The following NEDD4L variants were observed in gnomAD, a reference collection of about 807,000 sequenced individuals.
NEDD4L encodes the protein NEDD4 like E3 ubiquitin protein ligase, also known as E3 ubiquitin-protein ligase NEDD4-like.
Under a neutral mutation model 148.9 loss-of-function variants are expected in NEDD4L, and 54 were observed. That is an observed-to-expected ratio of 0.36 (90% confidence interval 0.29 to 0.45). NEDD4L has a LOEUF of 0.45. Ranked by LOEUF, NEDD4L falls within the 20% of genes least tolerant of loss-of-function variation. NEDD4L has a pLI of 1.00. For synonymous variants in NEDD4L, 433 were observed against 440.7 expected (o/e 0.98, Z 0.22); for missense variants, 856 against 1,233.8 (o/e 0.69, Z 4.59).
At chr18:58,327,145 TCACCCACA>T (rs2059380423) in intron 9 of NEDD4L, among the ~76,000 whole-genome samples, 1 of 152,188 alleles carries the variant, frequency 6.6e-6, no homozygotes, top group Non-Finnish European at 1.5e-5. Flanking sequence ...TCTCACTCTG[TCACCCACA>T]GTGGCACCAT....
intron 2 of NEDD4L, among the ~76,000 whole-genome samples, chr18:58,166,973 A>G (rs1045846389): frequency 6.6e-6 from 1 of 152,204 alleles, no homozygotes; most frequent in African/African-American, 2.4e-5. Flanking sequence ...CTCACCTGTG[A>G]TTGATCATGC....
intron 1 of NEDD4L, among the ~76,000 whole-genome samples, chr18:58,142,506 C>G (rs1663041): frequency 0.35 from 53,276 of 152,060 alleles, 9,694 homozygotes; most frequent in Middle Eastern, 0.43. Flanking sequence ...TCTGACATTT[C>G]ATAGCCTGGC....
chr18:58,312,162 C>T (rs558613667), intron 5 of NEDD4L, among the ~76,000 whole-genome samples: 24 of 152,270 alleles, frequency 1.6e-4, no homozygotes, highest in African/African-American at 5.3e-4. Context: ...TCTACATTGT[C>T]ATTTCACAGG....
chr18:58,335,199 C>G (rs755467614), intron 12 of NEDD4L, among the ~76,000 whole-genome samples: 1 of 152,184 alleles, frequency 6.6e-6, no homozygotes, highest in African/African-American at 2.4e-5. Context: ...GCAGGCAAAA[C>G]CAGACCAGCT....
chr18:58,394,315 A>G lies in NEDD4L; in HGVS notation c.2826-1852A>G, dbSNP rs534232460. 1.5e-3 allele frequency among the ~76,000 whole-genome samples: 221 copies of G among 152,364 alleles called. 2 individuals are homozygous for G. The highest frequency in any genetic ancestry group is 2.4e-3 in the Non-Finnish European group (163 of 68,022). On this transcript the variant is annotated intron_variant, in intron 30 of 30. Transcript: ENST00000400345. The stretch of plus-strand genomic sequence containing the variant: ...GATGCAAAGCGGTGAAGCATTAAGC[A>G]GCATGATTCAGAACCTCAGATCTTG...
At chr18:58,376,120 A>G (rs543631838) in intron 24 of NEDD4L, among the ~76,000 whole-genome samples, 185 of 152,334 alleles carry the variant, frequency 1.2e-3, no homozygotes, top group African/African-American at 4.3e-3. Flanking sequence ...TTAAGCCACA[A>G]TCAGAAGCAA....
intron 23 of NEDD4L, chr18:58,372,308 G>A (rs1046175715): frequency 2.0e-5 from 3 of 149,172 alleles, no homozygotes; most frequent in South Asian, 2.1e-4. Flanking sequence ...TAGTCATGGC[G>A]TCTTGCTATG....
At chr18:58,234,490 C>G (rs2045768792) in intron 2 of NEDD4L, among the ~76,000 whole-genome samples, 1 of 151,608 alleles carries the variant, frequency 6.6e-6, no homozygotes, top group Non-Finnish European at 1.5e-5. Context: ...TGCCACCATG[C>G]CTGGCTAAGT....
chr18:58,350,680 T>C (rs945726169), intron 17 of NEDD4L, among the ~76,000 whole-genome samples: 2 of 152,246 alleles, frequency 1.3e-5, no homozygotes, highest in Admixed American at 6.5e-5. Flanking sequence ...TTTAATTAAA[T>C]GGTACTCAAC....
intron 1 of NEDD4L, among the ~76,000 whole-genome samples, chr18:58,105,154 G>T (rs1385191701): frequency 6.6e-6 from 1 of 152,298 alleles, no homozygotes; most frequent in South Asian, 2.1e-4. Context: ...GCCAGTAGCT[G>T]GAAGAACCAG....
In NEDD4L at chr18:58,286,764, A is replaced by G. The variant is rs541613853; in HGVS notation, c.298-29218A>G. Among the ~76,000 whole-genome samples the G allele has an allele frequency of 5.3e-5, 8 of 152,300 alleles. No individual in the cohort carries two copies. In the South Asian group the frequency reaches 1.0e-3, roughly 20 times the overall value. Reference sequence around the variant, plus strand: ...GGTGTGGATAATTGAATTTAATTGAATATTAAACACCAGTAAGTGCTATGC... The same window carrying G: ...GGTGTGGATAATTGAATTTAATTGAGTATTAAACACCAGTAAGTGCTATGC... On this transcript the variant is annotated intron_variant, in intron 5 of 30. Transcript: ENST00000400345.
rs191635351 is a variant in NEDD4L at position 58,109,836 on chromosome 18, A to G, written c.49-55952A>G. 2.5e-3 allele frequency among the ~76,000 whole-genome samples: 381 copies of G among 152,142 alleles called. 2 individuals are homozygous for G. Among genetic ancestry groups the G allele is most frequent in the Non-Finnish European group, 4.4e-3 (302 of 67,986 alleles). On this transcript the variant is annotated intron_variant, in intron 1 of 30. Coordinates refer to ENST00000400345, the MANE Select transcript of NEDD4L (RefSeq NM_001144967.3). Reference sequence around the variant, plus strand: ...ACCTGCCTTGGCCTCCCAAAGTGCTAGGATTACAGGCATGAGCCACCAAAC... The same window carrying G: ...ACCTGCCTTGGCCTCCCAAAGTGCTGGGATTACAGGCATGAGCCACCAAAC...
intron 1 of NEDD4L, among the ~76,000 whole-genome samples, chr18:58,117,240 T>A (rs1289439189): frequency 6.6e-6 from 1 of 152,210 alleles, no homozygotes; most frequent in African/African-American, 2.4e-5. Flanking sequence ...GTAGAATACC[T>A]CCAGGCCCAG....
chr18:58,322,323 A>C (rs963888035), intron 6 of NEDD4L, 102 bp from the exon 7 acceptor site: 24 of 845,804 alleles, frequency 2.8e-5, no homozygotes, highest in Middle Eastern at 5.8e-4. Context: ...GCGGTGCCAC[A>C]TTCTAAAATT....
intron 6 of NEDD4L, among the ~76,000 whole-genome samples, chr18:58,316,632 T>C (rs2058297703): frequency 6.6e-6 from 1 of 152,200 alleles, no homozygotes; most frequent in African/African-American, 2.4e-5. Flanking sequence ...CTGCTCAAAG[T>C]AGCGGAGCAG....
At chr18:58,186,291 T>C (rs1418156409) in intron 2 of NEDD4L, among the ~76,000 whole-genome samples, 2 of 152,182 alleles carry the variant, frequency 1.3e-5, no homozygotes, top group Non-Finnish European at 2.9e-5. Context: ...ATTTTCTCCA[T>C]TGGATGTCAG....
intron 19 of NEDD4L, among the ~76,000 whole-genome samples, chr18:58,359,593 G>A (rs147031793): frequency 1.2e-3 from 177 of 152,270 alleles, no homozygotes; most frequent in African/African-American, 4.2e-3. Context: ...TTTACCAAAT[G>A]TAGACAAATT....
intron 2 of NEDD4L, among the ~76,000 whole-genome samples, chr18:58,173,368 T>A (rs772733769): frequency 9.2e-5 from 14 of 152,254 alleles, no homozygotes; most frequent in Non-Finnish European, 2.1e-4. Flanking sequence ...AAGACATTCA[T>A]TCACAGTTGC....
rs1601989923 is a variant in NEDD4L at position 58,386,790 on chromosome 18, T to A, written c.2488-649T>A. Among the ~76,000 whole-genome samples, 4 of 152,260 alleles carry A rather than the reference T, an allele frequency of 2.6e-5. No individual in the cohort carries two copies. In the South Asian group the frequency reaches 8.3e-4, roughly 32 times the overall value. On this transcript the variant is annotated intron_variant, in intron 26 of 30. Transcript: ENST00000400345. Reference sequence around the variant, plus strand: ...ATGCGTGAAAGCCCGGGCAGCACACTCAGAAACAGCTCGGGGCCTTAGGGA... The same window carrying A: ...ATGCGTGAAAGCCCGGGCAGCACACACAGAAACAGCTCGGGGCCTTAGGGA...
Sources: gnomAD v4.1 joint callset for allele counts (sites outside exome capture counted in the v4.1 genomes callset) on GRCh38, gnomAD v4.1.1 for gene constraint, MANE v1.5 for transcripts, NCBI Gene and HGNC (gene_info 2026-07-23, HGNC 2026-07-21) for gene names.